Variants in CYP4X1 observed in about 807,000 individuals in gnomAD.
The protein encoded by CYP4X1 is cytochrome P450 4X1.
A neutral mutation model predicts 57.9 loss-of-function variants in CYP4X1; 44 were observed. The observed-to-expected ratio is 0.76, with a 90% CI of 0.60 to 0.98. The LOEUF is 0.98. CYP4X1 is among the 50% of genes least tolerant of loss of function. The pLI is 0.00. For synonymous variants in CYP4X1, 227 were observed against 228.6 expected, an observed-to-expected ratio of 0.99 and a Z score of 0.06; for missense variants, 532 against 623.9, an observed-to-expected ratio of 0.85 and a Z score of 1.57.
At chr1:47,043,704 G>A (rs1644272021) in intron 8 of CYP4X1, among the ~76,000 whole-genome samples, 1 of 152,048 alleles carries the variant, frequency 6.6e-6, no homozygotes, top group African/African-American at 2.4e-5. Flanking sequence ...TCTACATGTG[G>A]CTTGCCAATT....
intron 6 of CYP4X1, among the ~76,000 whole-genome samples, chr1:47,037,507 A>G (rs1644198294): frequency 1.3e-5 from 2 of 152,174 alleles, no homozygotes; most frequent in Middle Eastern, 3.4e-3. Flanking sequence ...CTGGATTTTT[A>G]GTAATCACAA....
chr1:46,975,112 T>C, the CYP4X1 span, among the ~76,000 whole-genome samples: 1 of 152,308 alleles, frequency 6.6e-6, no homozygotes, highest in South Asian at 2.1e-4. Context: ...ATTGAGTTAT[T>C]ATTGCCTGCA....
chr1:46,965,822 C>T, the CYP4X1 span, among the ~76,000 whole-genome samples: 1 of 152,200 alleles, frequency 6.6e-6, no homozygotes, highest in South Asian at 2.1e-4. Flanking sequence ...GTTGGCCAAA[C>T]CATGGAGATG....
At chr1:47,055,119 T>C (rs1036244806), downstream of CYP4X1, among the ~76,000 whole-genome samples, 2 of 152,254 alleles carry the variant, frequency 1.3e-5, no homozygotes, top group East Asian at 3.8e-4. Context: ...ATTTAGAGTT[T>C]TTAGCATGAA....
chr1:46,977,246 G>A, the CYP4X1 span, among the ~76,000 whole-genome samples: 2 of 152,122 alleles, frequency 1.3e-5, no homozygotes, highest in African/African-American at 4.8e-5. Flanking sequence ...TAGATGAATG[G>A]CTAACTAGAA....
At chr1:46,997,725 G>A in the CYP4X1 span, among the ~76,000 whole-genome samples, 7 of 152,130 alleles carry the variant, frequency 4.6e-5, no homozygotes, top group African/African-American at 1.4e-4. Context: ...ACCTAGCAGC[G>A]GGATTGTTGC....
chr1:47,020,053 G>A (rs1643979972), upstream of CYP4X1, among the ~76,000 whole-genome samples: 3 of 152,128 alleles, frequency 2.0e-5, no homozygotes, highest in South Asian at 6.2e-4. Context: ...GGCCTACCAA[G>A]CTCTCATGGT....
At chr1:46,977,996 AACCAGT>A in the CYP4X1 span, among the ~76,000 whole-genome samples, 1 of 152,146 alleles carries the variant, frequency 6.6e-6, no homozygotes, top group East Asian at 1.9e-4. Flanking sequence ...GGAAAGGAAC[AACCAGT>A]ACCAGCCACT....
At chr1:47,019,075 G>A (rs1569592127), upstream of CYP4X1, among the ~76,000 whole-genome samples, 1 of 152,260 alleles carries the variant, frequency 6.6e-6, no homozygotes, top group East Asian at 1.9e-4. Context: ...AAATTACAAA[G>A]TTTTTTCAGA....
At chr1:47,029,182 A>G (rs1644100881) in intron 1 of CYP4X1, among the ~76,000 whole-genome samples, 1 of 152,210 alleles carries the variant, frequency 6.6e-6, no homozygotes, top group Non-Finnish European at 1.5e-5. Flanking sequence ...TCCCACCATC[A>G]TGCTCAAGTG....
chr1:47,015,826 C>T, the CYP4X1 span, among the ~76,000 whole-genome samples: 1 of 152,048 alleles, frequency 6.6e-6, no homozygotes. Flanking sequence ...TATTCAATGC[C>T]CCATTCATCC....
intron 4 of CYP4X1, among the ~76,000 whole-genome samples, chr1:47,033,822 A>G (rs1644150009): frequency 6.6e-6 from 1 of 152,202 alleles, no homozygotes. Flanking sequence ...TCCCTGTGCC[A>G]TTACCCTCCA....
chr1:47,054,713 C>G (rs925631406), downstream of CYP4X1, among the ~76,000 whole-genome samples: 2 of 152,032 alleles, frequency 1.3e-5, no homozygotes, highest in Non-Finnish European at 2.9e-5. Flanking sequence ...TGATTTGGCT[C>G]TCTGTTTGTC....
the CYP4X1 span, among the ~76,000 whole-genome samples, chr1:46,993,730 T>C: frequency 0.068 from 10,420 of 152,304 alleles, 488 homozygotes; most frequent in Non-Finnish European, 0.099. Context: ...AATGTCTTCT[T>C]TTGAGAAGTG....
chr1:46,985,896 G>C, the CYP4X1 span, among the ~76,000 whole-genome samples: 5 of 152,204 alleles, frequency 3.3e-5, no homozygotes, highest in African/African-American at 1.2e-4. Flanking sequence ...AGGTAGATAA[G>C]TCCATGAAGA....
chr1:47,043,744 A>C (rs1251888268), intron 8 of CYP4X1, among the ~76,000 whole-genome samples: 1 of 152,086 alleles, frequency 6.6e-6, no homozygotes, highest in African/African-American at 2.4e-5. Context: ...AATAGGGTTA[A>C]TATTTAAAGC....
the CYP4X1 span, among the ~76,000 whole-genome samples, chr1:46,997,573 C>T: frequency 2.0e-5 from 3 of 152,102 alleles, no homozygotes; most frequent in Non-Finnish European, 2.9e-5. Context: ...CTTTTTATGG[C>T]GTATATATAC....
the CYP4X1 span, among the ~76,000 whole-genome samples, chr1:46,986,607 G>A: frequency 6.6e-6 from 1 of 151,968 alleles, no homozygotes; most frequent in Non-Finnish European, 1.5e-5. Flanking sequence ...TTGAAATGAA[G>A]GAAAAAATGT....
In CYP4X1 at chr1:47,023,773, T is replaced by C. The variant is rs1221130969; in HGVS notation, c.-45T>C. The C allele has an allele frequency of 3.1e-6, 5 of 1,590,368 alleles. No homozygotes were observed. The East Asian group carries it at 1.1e-4, about 36-fold the overall frequency. On this transcript the variant is annotated 5_prime_UTR_variant, in exon 1 of 12. Coordinates refer to ENST00000371901, the MANE Select transcript of CYP4X1 (RefSeq NM_178033.2). ...TCCGGGCGGGAGAAAGCCCACCCTC[T>C]CCCGCGCCCCAGGAAACCGCCGGCG...
Sources: gnomAD v4.1 joint callset for allele counts (sites outside exome capture counted in the v4.1 genomes callset) on GRCh38, gnomAD v4.1.1 for gene constraint, MANE v1.5 for transcripts, NCBI Gene and HGNC (gene_info 2026-07-23, HGNC 2026-07-21) for gene names.